Variants in FSTL4 observed in about 807,000 individuals in gnomAD.
FSTL4 encodes follistatin-related protein 4.
FSTL4 carries 28 observed loss-of-function variants against 78.2 expected under a neutral mutation model. That is an observed-to-expected ratio of 0.36 (90% confidence interval 0.27 to 0.49). FSTL4 has a LOEUF of 0.49. FSTL4 is among the 20% of genes least tolerant of loss of function. The pLI is 0.98. For missense variants in FSTL4, 922 were observed against 1,084.9 expected (o/e 0.85, Z 2.11); for synonymous variants, 422 against 440.5 (o/e 0.96, Z 0.53).
At chr5:133,508,250 G>A (rs757781780) in intron 3 of FSTL4, among the ~76,000 whole-genome samples, 9 of 152,278 alleles carry the variant, frequency 5.9e-5, no homozygotes, top group Non-Finnish European at 1.0e-4. Context: ...TTAGCTAACT[G>A]TTATTAACTA....
the FSTL4 span, among the ~76,000 whole-genome samples, chr5:133,768,223 C>T: frequency 1.3e-5 from 2 of 152,168 alleles, no homozygotes; most frequent in East Asian, 1.9e-4. Flanking sequence ...GGAGTTGTGA[C>T]GAATCCAACT....
chr5:133,693,090 C>T, the FSTL4 span, among the ~76,000 whole-genome samples: 1 of 152,206 alleles, frequency 6.6e-6, no homozygotes, highest in Non-Finnish European at 1.5e-5. Context: ...TAAACACAGC[C>T]ACATACTGAG....
chr5:133,781,222 G>T, the FSTL4 span, among the ~76,000 whole-genome samples: 2 of 152,096 alleles, frequency 1.3e-5, no homozygotes, highest in Non-Finnish European at 2.9e-5. Context: ...CAGGCTATTT[G>T]GTGGCCCAGC....
At chr5:133,437,499 T>TC (rs1172504002) in intron 3 of FSTL4, among the ~76,000 whole-genome samples, 3 of 146,872 alleles carry the variant, frequency 2.0e-5, no homozygotes, top group Admixed American at 6.7e-5. Flanking sequence ...TTTTTTTTTT[T>TC]TTTTTTTTGA....
At position 133,375,291 on chromosome 5, in the gene FSTL4, C is replaced by CATATACATATATATATATATATATATAT. The variant is rs1755402477; in HGVS notation, c.409+25446_409+25447insATATATATATATATATATATATGTATAT. On this transcript the variant is annotated intron_variant, in intron 4 of 15. Transcript: ENST00000265342. ...AACCCAAAACATAGGGTGTGCATGGCATATATATATATATATATATAAAAG... is the reference window on the plus strand; with the variant it reads ...AACCCAAAACATAGGGTGTGCATGGCATATACATATATATATATATATATATATATATATATATATATATATATAAAAG... 5.2e-5 allele frequency among the ~76,000 whole-genome samples: 3 copies of CATATACATATATATATATATATATATAT among 57,918 alleles called. No individual in the cohort carries two copies. In the Admixed American group the frequency reaches 7.4e-4, roughly 14 times the overall value. The allele number at this position is 57,918 out of a possible 152,430, so 38.0% of individuals were successfully genotyped here.
chr5:133,282,543 G>A (rs1159961556), intron 6 of FSTL4, among the ~76,000 whole-genome samples: 1 of 152,192 alleles, frequency 6.6e-6, no homozygotes, highest in African/African-American at 2.4e-5. Context: ...TCTCCCATAC[G>A]ATTCTTCTTG....
the FSTL4 span, among the ~76,000 whole-genome samples, chr5:133,827,014 C>G: frequency 6.6e-6 from 1 of 152,256 alleles, no homozygotes; most frequent in African/African-American, 2.4e-5. Flanking sequence ...CGCCCAGTGA[C>G]AGTCCCGCCC....
At chr5:133,421,406 C>T (rs1756692429) in intron 3 of FSTL4, among the ~76,000 whole-genome samples, 1 of 152,244 alleles carries the variant, frequency 6.6e-6, no homozygotes, top group Non-Finnish European at 1.5e-5. Context: ...AATTATGTGG[C>T]CAGTTCTGGC....
chr5:133,448,261 T>C (rs1166602904), intron 3 of FSTL4, among the ~76,000 whole-genome samples: 1 of 152,222 alleles, frequency 6.6e-6, no homozygotes, highest in African/African-American at 2.4e-5. Flanking sequence ...TCATGGCTTC[T>C]AGACTTCTCC....
chr5:133,383,689 C>A (rs886883466), intron 4 of FSTL4, among the ~76,000 whole-genome samples: 3 of 152,210 alleles, frequency 2.0e-5, no homozygotes, highest in East Asian at 1.9e-4. Flanking sequence ...CCTGCCGCAG[C>A]CTTCATTACC....
upstream of FSTL4, among the ~76,000 whole-genome samples, chr5:133,616,289 CA>C (rs1297645067): frequency 6.7e-6 from 1 of 149,702 alleles, no homozygotes; most frequent in Non-Finnish European, 1.5e-5. Flanking sequence ...AGTATAGAAT[CA>C]TAAATAATGT....
At chr5:133,660,270 G>C in the FSTL4 span, among the ~76,000 whole-genome samples, 278 of 152,292 alleles carry the variant, frequency 1.8e-3, 1 homozygote, top group Middle Eastern at 0.01. Context: ...TCACAGTCAA[G>C]ATCAGCAGCT....
chr5:133,513,648 A>AGG lies in FSTL4; in HGVS notation c.160+53537_160+53538insCC, dbSNP rs1758786523. Among the ~76,000 whole-genome samples, 3 of 152,312 alleles carry AGG rather than the reference A, an allele frequency of 2.0e-5. No homozygotes were observed. The East Asian group carries it at 5.8e-4, about 29-fold the overall frequency. ...ACAGACGGCAAGGACAAAGGCTTCT[A>AGG]AACATCCTGACTATTGGTCAGCAGT... On this transcript the variant is annotated intron_variant, in intron 3 of 15. Coordinates refer to ENST00000265342, the MANE Select transcript of FSTL4 (RefSeq NM_015082.2).
intron 4 of FSTL4, among the ~76,000 whole-genome samples, chr5:133,343,954 AT>A (rs1348662710): frequency 6.6e-6 from 1 of 152,380 alleles, no homozygotes; most frequent in African/African-American, 2.4e-5. Flanking sequence ...AATTCCAGAT[AT>A]ATACACACAT....
At chr5:133,291,847 C>A (rs1753270504) in intron 6 of FSTL4, among the ~76,000 whole-genome samples, 2 of 152,100 alleles carry the variant, frequency 1.3e-5, no homozygotes, top group Admixed American at 6.5e-5. Flanking sequence ...GAAGAGCCAG[C>A]CTTTCTGAAG....
At chr5:133,612,945 A>C (rs1182418155), upstream of FSTL4, among the ~76,000 whole-genome samples, 2 of 152,184 alleles carry the variant, frequency 1.3e-5, no homozygotes, top group African/African-American at 4.8e-5. The surrounding 1 kb of genome is among the most constrained non-coding windows in gnomAD (Gnocchi z 6.2). Context: ...CCTGGGGACA[A>C]AGTGGGTGAA....
chr5:133,536,058 C>T (rs115050138), intron 3 of FSTL4, among the ~76,000 whole-genome samples: 2,582 of 152,230 alleles, frequency 0.017, 73 homozygotes, highest in African/African-American at 0.058. Flanking sequence ...CAAATACACA[C>T]GGAATGGTGA....
chr5:133,833,371 A>AT, the FSTL4 span, among the ~76,000 whole-genome samples: 1 of 152,202 alleles, frequency 6.6e-6, no homozygotes, highest in Admixed American at 6.5e-5. Flanking sequence ...AACATACTTT[A>AT]TTTTTTGTAG....
intron 6 of FSTL4, among the ~76,000 whole-genome samples, chr5:133,311,428 T>C (rs954800903): frequency 1.3e-5 from 2 of 152,114 alleles, no homozygotes; most frequent in African/African-American, 2.4e-5. Flanking sequence ...AAGGATGATA[T>C]GAACTGGAAA....
Sources: allele counts gnomAD v4.1 joint callset (sites outside exome capture counted in the v4.1 genomes callset), GRCh38; gene constraint gnomAD v4.1.1; non-coding constraint Gnocchi (gnomAD v3.1); transcripts MANE v1.5; gene names NCBI Gene and HGNC (gene_info 2026-07-23, HGNC 2026-07-21).